MN1: variants seen among roughly 807,000 people sequenced by gnomAD.
The protein encoded by MN1 is MN1 proto-oncogene, transcriptional regulator.
Under a neutral mutation model 86.9 loss-of-function variants are expected in MN1, and 19 were observed. The observed-to-expected ratio is 0.22, with a 90% CI of 0.15 to 0.32. The LOEUF (loss-of-function observed/expected upper bound fraction) is 0.32. Among genes scored for constraint, MN1 ranks in the 10% least tolerant of loss-of-function variants. MN1 has a pLI of 1.00. For missense variants in MN1, 1,841 were observed against 1,862.0 expected, an observed-to-expected ratio of 0.99 and a Z score of 0.21; for synonymous variants, 928 against 849.6, an observed-to-expected ratio of 1.09 and a Z score of -1.60.
At chr22:27,764,877 A>G (rs531433340) in intron 1 of MN1, among the ~76,000 whole-genome samples, 7 of 152,218 alleles carry the variant, frequency 4.6e-5, no homozygotes, top group African/African-American at 1.7e-4. Flanking sequence ...AGCCCACTAC[A>G]GCACACAAGT....
At chr22:27,796,626 T>C (rs1933300357) in intron 1 of MN1, 137 bp downstream of exon 1, 5 of 848,926 alleles carry the variant, frequency 5.9e-6, no homozygotes, top group Non-Finnish European at 9.0e-6. Flanking sequence ...AAAGGTGGGA[T>C]AACCAGCTCC....
In MN1 at chr22:27,796,985, C is replaced by A; in HGVS notation, c.3559G>T (p.Val1187Phe). 1 of 1,612,338 alleles carries A rather than the reference C, an allele frequency of 6.2e-7. No individual in the cohort carries two copies. Among genetic ancestry groups the A allele is most frequent in the African/African-American group, 1.3e-5 (1 of 75,034 alleles). Residue 1187 changes from valine (V) to phenylalanine (F), a missense_variant, in exon 1 of 2, where the codon GTC becomes TTC. By Grantham distance (50) the Val-to-Phe change is conservative. Coordinates refer to ENST00000302326, the MANE Select transcript of MN1 (RefSeq NM_002430.3). ...CCATTCTGCGCCCCTGAGGCCCCGACGGCGCACTCACCCTTCTTGCCACCC... is the reference window on the plus strand; with the variant it reads ...CCATTCTGCGCCCCTGAGGCCCCGAAGGCGCACTCACCCTTCTTGCCACCC... ...LKGGKKGECA[V>F]GASGAQNGDS...
intron 1 of MN1, among the ~76,000 whole-genome samples, chr22:27,766,028 A>T (rs1232240038): frequency 1.3e-5 from 2 of 152,102 alleles, no homozygotes; most frequent in Non-Finnish European, 2.9e-5. Flanking sequence ...ACCTGCCGCA[A>T]ACAACCCCCA....
At chr22:27,778,098 T>C (rs537869181) in intron 1 of MN1, among the ~76,000 whole-genome samples, 9 of 152,180 alleles carry the variant, frequency 5.9e-5, no homozygotes, top group Non-Finnish European at 1.2e-4. Context: ...TAATGCGCTC[T>C]TAAATATTAT....
In MN1 at chr22:27,801,428, G is replaced by C. The variant is rs1933440648; in HGVS notation, c.-885C>G. Reference sequence around the variant, plus strand: ...GAGTTCGCCGGAGTCTCCGCGCACCGTTGCAGGCGCGGGAGGGCAGCGAGA... The same window carrying C: ...GAGTTCGCCGGAGTCTCCGCGCACCCTTGCAGGCGCGGGAGGGCAGCGAGA... On this transcript the variant is annotated 5_prime_UTR_variant, in exon 1 of 2. Transcript: ENST00000302326. 2 of 209,060 alleles carry C rather than the reference G, an allele frequency of 9.6e-6. No individual in the cohort carries two copies. The highest frequency in any genetic ancestry group is 1.6e-3 in the Middle Eastern group (1 of 630). 13.0% of individuals were successfully genotyped at this position (209,060 alleles called of 1,614,324 possible). A position where few individuals can be genotyped will look rare whatever the true frequency, so the allele number is the denominator to read the frequency against.
intron 1 of MN1, among the ~76,000 whole-genome samples, chr22:27,786,571 C>G (rs1373163590): frequency 2.0e-5 from 3 of 152,100 alleles, no homozygotes; most frequent in Non-Finnish European, 4.4e-5. Context: ...CACACGAGTG[C>G]TCAACTCCCA....
intron 1 of MN1, among the ~76,000 whole-genome samples, chr22:27,794,816 TG>T (rs200280353): frequency 0.21 from 27,593 of 132,146 alleles, 3,112 homozygotes; most frequent in South Asian, 0.31. Context: ...TCAGGGTTGT[TG>T]TTTTTTTTTT....
At chr22:27,773,295 C>CA (rs1478438774) in intron 1 of MN1, among the ~76,000 whole-genome samples, 1 of 152,198 alleles carries the variant, frequency 6.6e-6, no homozygotes, top group Non-Finnish European at 1.5e-5. Flanking sequence ...CGGGTGGCTC[C>CA]AATGAGTTCA....
intron 1 of MN1, among the ~76,000 whole-genome samples, chr22:27,753,013 T>C (rs1308938348): frequency 6.6e-6 from 1 of 152,166 alleles, no homozygotes; most frequent in Non-Finnish European, 1.5e-5. Flanking sequence ...CCCAGAGGGA[T>C]GGGCCCAGGC....
At chr22:27,782,845 T>C (rs1476229081) in intron 1 of MN1, among the ~76,000 whole-genome samples, 1 of 152,190 alleles carries the variant, frequency 6.6e-6, no homozygotes, top group African/African-American at 2.4e-5. Flanking sequence ...AACATACTAT[T>C]TGGTCCTCAC....
chr22:27,774,202 G>A (rs760406486), intron 1 of MN1, among the ~76,000 whole-genome samples: 6 of 152,142 alleles, frequency 3.9e-5, no homozygotes, highest in Non-Finnish European at 8.8e-5. Context: ...TGGGCAGATC[G>A]CTTCCTCTAT....
chr22:27,759,309 C>A (rs549459287), intron 1 of MN1, among the ~76,000 whole-genome samples: 167 of 152,206 alleles, frequency 1.1e-3, no homozygotes, highest in African/African-American at 3.9e-3. Context: ...GGCCACGTCC[C>A]CTTCTATAGA....
chr22:27,792,351 T>TATATATATATATATATATAA (rs1350212376), intron 1 of MN1, among the ~76,000 whole-genome samples: 1 of 109,158 alleles, frequency 9.2e-6, no homozygotes, highest in Non-Finnish European at 2.1e-5. Context: ...TATATATATA[T>TATATATATATATATATATAA]GAATATATAA....
At chr22:27,779,686 G>C (rs1403108415) in intron 1 of MN1, among the ~76,000 whole-genome samples, 1 of 152,174 alleles carries the variant, frequency 6.6e-6, no homozygotes, top group Non-Finnish European at 1.5e-5. Context: ...ACTGTAGCTT[G>C]TTAGGATTCC....
At chr22:27,796,656 T>G in intron 1 of MN1, 107 bp downstream of exon 1, 2 of 1,166,694 alleles carry the variant, frequency 1.7e-6, no homozygotes, top group Non-Finnish European at 1.2e-6. Context: ...ATTAGGAGGG[T>G]TTGTGCCCTC....
In MN1 at chr22:27,798,783, G is replaced by GCCCTGGCCCACGTCC. The variant is rs768237633; in HGVS notation, c.1746_1760dup (p.Asp583_Gly587dup). The GCCCTGGCCCACGTCC allele has an allele frequency of 6.5e-6, 10 of 1,535,170 alleles. No individual in the cohort carries two copies. The highest frequency in any genetic ancestry group is 7.9e-6 in the Non-Finnish European group (9 of 1,145,996). ...CCACCGGGCCGCCATGCACCAGGCC[G>GCCCTGGCCCACGTCC]CCCTGGCCCACGTCCCCGGGGTGGC... On this transcript the variant is annotated inframe_insertion, in exon 1 of 2. Coordinates refer to ENST00000302326, the MANE Select transcript of MN1 (RefSeq NM_002430.3).
intron 1 of MN1, among the ~76,000 whole-genome samples, chr22:27,773,153 C>T (rs1932934818): frequency 6.7e-6 from 1 of 148,474 alleles, no homozygotes; most frequent in African/African-American, 2.5e-5. Flanking sequence ...CAGAGGCTCC[C>T]CCGAGACACC....
chr22:27,777,663 A>G (rs1194044041), intron 1 of MN1, among the ~76,000 whole-genome samples: 2 of 151,992 alleles, frequency 1.3e-5, no homozygotes, highest in Non-Finnish European at 2.9e-5. Flanking sequence ...GTTCAAGACC[A>G]GCCTGGCCAA....
At chr22:27,788,605 GA>G (rs1412371708) in intron 1 of MN1, among the ~76,000 whole-genome samples, 1 of 151,362 alleles carries the variant, frequency 6.6e-6, no homozygotes, top group Non-Finnish European at 1.5e-5. Flanking sequence ...CACAGTAACT[GA>G]AAAGGGTCAT....
Sources: allele counts gnomAD v4.1 joint callset (sites outside exome capture counted in the v4.1 genomes callset), GRCh38; gene constraint gnomAD v4.1.1; transcripts MANE v1.5; gene names NCBI Gene and HGNC (gene_info 2026-07-23, HGNC 2026-07-21).